Variants in KIF3B observed in about 807,000 individuals in gnomAD.
The protein encoded by KIF3B is kinesin family member 3B, also known as kinesin-like protein KIF3B.
A neutral mutation model predicts 74.3 loss-of-function variants in KIF3B; 38 were observed. The ratio of observed to expected loss-of-function variants is 0.51; its 90% CI spans 0.39 to 0.67. KIF3B has a LOEUF of 0.67. Among genes scored for constraint, KIF3B ranks in the 30% least tolerant of loss-of-function variants. The pLI is 0.00. For missense variants in KIF3B, 649 were observed against 932.0 expected (o/e 0.70, Z 3.95); for synonymous variants, 326 against 342.5 (o/e 0.95, Z 0.53).
chr20:32,327,754 T>TCTGGAAAGAAGGTA, intron 7 of KIF3B, 93 bp downstream of exon 7: 1 of 818,978 alleles, frequency 1.2e-6, no homozygotes, highest in Non-Finnish European at 2.0e-6. Flanking sequence ...AGTTCATACC[T>TCTGGAAAGAAGGTA]TCTTTCCAGA....
intron 5 of KIF3B, among the ~76,000 whole-genome samples, chr20:32,325,009 C>T (rs909814523): frequency 2.6e-5 from 4 of 152,010 alleles, no homozygotes; most frequent in African/African-American, 4.8e-5. Context: ...CCAGCCTGGG[C>T]GACAAAGTGA....
rs544952012 is a variant in KIF3B, at chr20:32,302,377, ATTCC to A, written c.-65-7329_-65-7326del. ...AATTAAGGGGACTCATGCTTTGGGA[ATTCC>A]TTCCTTTTTAAAGATTTTTAAGATT... On this transcript the variant is annotated intron_variant, in intron 1 of 8. Coordinates refer to ENST00000375712, the MANE Select transcript of KIF3B (RefSeq NM_004798.4). 3.9e-3 allele frequency among the ~76,000 whole-genome samples: 596 copies of A among 152,168 alleles called. 4 individuals are homozygous for A. Among genetic ancestry groups the A allele is most frequent in the South Asian group, 0.013 (65 of 4,820 alleles).
At chr20:32,302,739 A>AT (rs1174811443) in intron 1 of KIF3B, among the ~76,000 whole-genome samples, 2 of 151,898 alleles carry the variant, frequency 1.3e-5, no homozygotes, top group Non-Finnish European at 2.9e-5. Flanking sequence ...AGGGGCTGGG[A>AT]TTTTCCCTTT....
chr20:32,318,073 A>T (rs1161159989), intron 5 of KIF3B, among the ~76,000 whole-genome samples: 1 of 152,156 alleles, frequency 6.6e-6, no homozygotes, highest in Non-Finnish European at 1.5e-5. Flanking sequence ...AGGCCGAGGC[A>T]GGTGGATCAC....
At position 32,305,351 on chromosome 20, in the gene KIF3B, G is replaced by A. The variant is rs532570735; in HGVS notation, c.-65-4362G>A. On this transcript the variant is annotated intron_variant, in intron 1 of 8. Transcript: ENST00000375712. ...TGCACTTCAGCCTGGGTGACAAAGCGAGACTGTCTTTTAAAAAGAAAATTT... is the reference window on the plus strand; with the variant it reads ...TGCACTTCAGCCTGGGTGACAAAGCAAGACTGTCTTTTAAAAAGAAAATTT... 4.0e-5 allele frequency among the ~76,000 whole-genome samples: 6 copies of A among 151,878 alleles called. 1 individual carries two copies. In the South Asian group the frequency reaches 8.3e-4, roughly 21 times the overall value.
intron 5 of KIF3B, among the ~76,000 whole-genome samples, chr20:32,326,544 T>C (rs762609096): frequency 1.3e-5 from 2 of 152,154 alleles, no homozygotes; most frequent in Non-Finnish European, 2.9e-5. Context: ...CAGTACCTAT[T>C]ATACCTAACA....
At chr20:32,279,015 G>T (rs953724711) in intron 1 of KIF3B, among the ~76,000 whole-genome samples, 1 of 143,774 alleles carries the variant, frequency 7.0e-6, no homozygotes, top group Non-Finnish European at 1.5e-5. Context: ...CCTCCGCCTC[G>T]TGTGTTCAAG....
chr20:32,295,420 A>G lies in KIF3B; in HGVS notation c.-65-14293A>G, dbSNP rs1225761924. On this transcript the variant is annotated intron_variant, in intron 1 of 8. Coordinates refer to ENST00000375712, the MANE Select transcript of KIF3B (RefSeq NM_004798.4). ...CCATTCTCCTGCCTCAGCCTCCTGA[A>G]TAGCTGGGACTACAGGTGCCCGCCA... Among the ~76,000 whole-genome samples the G allele has an allele frequency of 2.0e-5, 3 of 151,758 alleles. No individual in the cohort carries two copies. In the East Asian group the frequency reaches 5.8e-4, roughly 29 times the overall value.
At chr20:32,299,473 C>T (rs2047733221) in intron 1 of KIF3B, among the ~76,000 whole-genome samples, 1 of 132,520 alleles carries the variant, frequency 7.5e-6, no homozygotes, top group African/African-American at 2.9e-5. Context: ...CACAGTGTCG[C>T]AATCTCAGCT....
chr20:32,295,854 C>CTTTTTT, intron 1 of KIF3B, among the ~76,000 whole-genome samples: 1 of 110,870 alleles, frequency 9.0e-6, no homozygotes, highest in Non-Finnish European at 1.8e-5. Flanking sequence ...TTTTTATTAT[C>CTTTTTT]TTTTTTTTTT....
intron 1 of KIF3B, among the ~76,000 whole-genome samples, chr20:32,294,520 G>A (rs903404740): frequency 2.6e-5 from 4 of 152,110 alleles, no homozygotes; most frequent in African/African-American, 7.2e-5. Context: ...GCCTGCAGGC[G>A]CACCACCCTA....
In KIF3B at chr20:32,326,797, C is replaced by T; in HGVS notation, c.1775C>T (p.Pro592Leu). ...LKHLIIENFI[P>L]LEEKSKIMNR... is the part of the protein sequence containing the mutation. ...CATCTTATTATAGAAAACTTTATCC[C>T]TCTGGAAGAAAAAAGTAAAATTATG... Residue 592 changes from proline (P) to leucine (L), a missense_variant, in exon 6 of 9, where the codon CCT (proline) becomes CTT (leucine). By Grantham distance (98) the Pro-to-Leu change is moderately conservative. Transcript: ENST00000375712. 3 of 1,532,790 alleles carry T rather than the reference C, an allele frequency of 2.0e-6. No individual in the cohort carries two copies. The South Asian group carries it at 3.4e-5, about 18-fold the overall frequency. The allele number at this position is 1,532,790 out of a possible 1,614,324, so 94.9% of individuals were successfully genotyped here. A position where few individuals can be genotyped will look rare whatever the true frequency, so the allele number is the denominator to read the frequency against.
chr20:32,299,403 A>ATTTTTT (rs11473044), intron 1 of KIF3B, among the ~76,000 whole-genome samples: 8 of 9,026 alleles, frequency 8.9e-4, no homozygotes, highest in African/African-American at 3.1e-3. Context: ...ATATATATAT[A>ATTTTTT]TTTTTTTTTT....
intron 1 of KIF3B, among the ~76,000 whole-genome samples, chr20:32,291,350 A>C (rs1362211563): frequency 1.3e-5 from 2 of 152,092 alleles, no homozygotes; most frequent in Non-Finnish European, 2.9e-5. Flanking sequence ...AATTATGCAT[A>C]AAACTAGAAT....
At chr20:32,283,530 C>G (rs1600414715) in intron 1 of KIF3B, among the ~76,000 whole-genome samples, 1 of 146,266 alleles carries the variant, frequency 6.8e-6, no homozygotes, top group South Asian at 2.2e-4. Context: ...CTGTAGATGG[C>G]TAGGCATGGT....
At chr20:32,291,732 C>T (rs1401920458) in intron 1 of KIF3B, among the ~76,000 whole-genome samples, 1 of 151,752 alleles carries the variant, frequency 6.6e-6, no homozygotes, top group Admixed American at 6.6e-5. Flanking sequence ...TCTCCTGCCT[C>T]AGCCTCCCAA....
chr20:32,325,312 C>T (rs1440340592), intron 5 of KIF3B, among the ~76,000 whole-genome samples: 1 of 152,016 alleles, frequency 6.6e-6, no homozygotes, highest in Admixed American at 6.6e-5. Context: ...CCTCAGCCTC[C>T]CAAGTAGCTG....
At chr20:32,323,569 A>G (rs1268909462) in intron 5 of KIF3B, among the ~76,000 whole-genome samples, 2 of 151,774 alleles carry the variant, frequency 1.3e-5, no homozygotes, top group African/African-American at 4.8e-5. Flanking sequence ...CGCCCAGCCA[A>G]TTCTTTTTAT....
rs986500532 is a variant in KIF3B, at chr20:32,316,937, T to C, written c.1748+63T>C. The stretch of plus-strand genomic sequence containing the variant: ...TGCTGAGTCATTGATCTCGTTTGTT[T>C]AGTTAGAAACAGCCCTGGCTGGGCT... On this transcript the variant is annotated intron_variant, in intron 5 of 8. Transcript: ENST00000375712. 337 of 1,266,018 alleles carry C rather than the reference T, an allele frequency of 2.7e-4. 1 individual carries two copies. In the Middle Eastern group the frequency reaches 4.6e-3, roughly 17 times the overall value. 78.4% of individuals were successfully genotyped at this position (1,266,018 alleles called of 1,614,324 possible). A position where few individuals can be genotyped will look rare whatever the true frequency, so the allele number is the denominator to read the frequency against.
Sources: allele counts gnomAD v4.1 joint callset (sites outside exome capture counted in the v4.1 genomes callset), GRCh38; gene constraint gnomAD v4.1.1; transcripts MANE v1.5; gene names NCBI Gene and HGNC (gene_info 2026-07-23, HGNC 2026-07-21).